Variants in ARSJ observed in about 807,000 individuals in gnomAD.
ARSJ encodes the protein arylsulfatase J.
In ARSJ, 26 loss-of-function variants were observed where a neutral mutation model predicts 35.9. The ratio of observed to expected loss-of-function variants is 0.72; its 90% confidence interval spans 0.53 to 1.00. The LOEUF (loss-of-function observed/expected upper bound fraction) is 1.00, where lower values mean the gene tolerates loss of function less well. ARSJ is among the 50% of genes least tolerant of loss of function. ARSJ has a pLI of 0.00. For missense variants in ARSJ, 667 were observed against 723.6 expected (o/e 0.92, Z 0.90); for synonymous variants, 294 against 267.6 (o/e 1.10, Z -0.96).
At chr4:113,947,697 T>A (rs1270417736) in intron 1 of ARSJ, among the ~76,000 whole-genome samples, 1 of 152,100 alleles carries the variant, frequency 6.6e-6, no homozygotes, top group Admixed American at 6.6e-5. Context: ...ATAATCTACC[T>A]GAGCAACTAA....
chr4:113,932,844 G>T (rs1724539592), intron 1 of ARSJ, among the ~76,000 whole-genome samples: 1 of 151,714 alleles, frequency 6.6e-6, no homozygotes, highest in Non-Finnish European at 1.5e-5. Context: ...TAGGAGAAAA[G>T]AAATAATAAA....
At position 113,903,562 on chromosome 4, in the gene ARSJ, G is replaced by C; in HGVS notation, c.512C>G (p.Thr171Arg). 1 of 1,614,154 alleles carries C rather than the reference G, an allele frequency of 6.2e-7. No homozygotes were observed. Among genetic ancestry groups the C allele is most frequent in the Non-Finnish European group, 8.5e-7 (1 of 1,180,000 alleles). The change falls in exon 2 of 2, where the codon ACG becomes AGG. Residue 171 changes from threonine to arginine, a missense_variant. Transcript: ENST00000315366. ...CAAGTGCCATTTTCCGACCATATGC[G>C]TTGAATATCCAACCTCCTTCAGTTT... is the stretch of plus-strand genomic sequence containing the variant. ...PQKLKEVGYS[T>R]HMVGKWHLGF...
In ARSJ at chr4:113,902,147, G is replaced by C. The variant is rs1179394250; in HGVS notation, c.*127C>G. ...CCAGGTGGCAGAAGTCTCTGGAGTG[G>C]CACAGCATGAAAACAAGCCTGACGC... On this transcript the variant is annotated 3_prime_UTR_variant, in exon 2 of 2. Transcript: ENST00000315366. The C allele has an allele frequency of 1.3e-6, 2 of 1,597,346 alleles. No homozygotes were observed. The highest frequency in any genetic ancestry group is 1.7e-4 in the Middle Eastern group (1 of 6,054).
At chr4:113,930,409 C>T (rs981513962) in intron 1 of ARSJ, among the ~76,000 whole-genome samples, 6 of 152,058 alleles carry the variant, frequency 3.9e-5, no homozygotes, top group African/African-American at 1.4e-4. Context: ...ATTGTGCCCA[C>T]CAGATTAAGG....
At chr4:113,920,363 T>C (rs1723592000) in intron 1 of ARSJ, among the ~76,000 whole-genome samples, 1 of 152,154 alleles carries the variant, frequency 6.6e-6, no homozygotes, top group South Asian at 2.1e-4. Context: ...CCAGATCACT[T>C]TGCAACATCC....
intron 1 of ARSJ, among the ~76,000 whole-genome samples, chr4:113,949,391 T>TG (rs1725714606): frequency 1.3e-5 from 2 of 152,042 alleles, no homozygotes; most frequent in Non-Finnish European, 2.9e-5. Context: ...TCCCTAGCAC[T>TG]TTTTTTCTGG....
intron 1 of ARSJ, chr4:113,944,107 TG>T (rs1292449315): frequency 6.6e-6 from 1 of 152,114 alleles, no homozygotes; most frequent in African/African-American, 2.4e-5. Context: ...GTTTGTGGTT[TG>T]GGCTGTGGCT....
chr4:113,919,140 G>A (rs1468975277), intron 1 of ARSJ, among the ~76,000 whole-genome samples: 2 of 152,084 alleles, frequency 1.3e-5, no homozygotes, highest in East Asian at 3.9e-4. Context: ...AGATTGCACT[G>A]AAGCTGAGAG....
At chr4:113,973,647 G>A (rs1179934152) in intron 1 of ARSJ, among the ~76,000 whole-genome samples, 2 of 152,080 alleles carry the variant, frequency 1.3e-5, no homozygotes, top group African/African-American at 2.4e-5. Flanking sequence ...TACTCTCCTA[G>A]CAGATATTTT....
intron 1 of ARSJ, among the ~76,000 whole-genome samples, chr4:113,905,403 A>G (rs1418540973): frequency 6.6e-6 from 1 of 152,148 alleles, no homozygotes; most frequent in Admixed American, 6.5e-5. Flanking sequence ...TTTTAATGAT[A>G]GCATGATGAA....
At chr4:113,975,343 T>C (rs891019648) in intron 1 of ARSJ, among the ~76,000 whole-genome samples, 1 of 152,180 alleles carries the variant, frequency 6.6e-6, no homozygotes, top group Non-Finnish European at 1.5e-5. Context: ...TCAATTCAGA[T>C]TGTCAACCTT....
intron 1 of ARSJ, among the ~76,000 whole-genome samples, chr4:113,953,173 A>G (rs1725965852): frequency 6.6e-6 from 1 of 152,088 alleles, no homozygotes; most frequent in Admixed American, 6.6e-5. Flanking sequence ...TGTACTCACT[A>G]TGCTGAAAGA....
rs755652179 is a variant in ARSJ at position 113,978,497 on chromosome 4, A to G, written c.338T>C (p.Leu113Pro). The change falls in exon 1 of 2, where the codon CTG (leucine) becomes CCG (proline). Residue 113 changes from leucine (L) to proline (P), a missense_variant. Physicochemically the swap from Leu to Pro is moderately conservative, Grantham distance 98 (BLOSUM62 -3). Coordinates refer to ENST00000315366, the MANE Select transcript of ARSJ (RefSeq NM_024590.4). ...LDKLAAEGVK[L>P]ENYYVQPICT... Reference sequence around the variant, plus strand: ...AATAGGCTGGACATAGTAGTTCTCCAGTTTAACTCCTTCGGCAGCGAGCTT... The same window carrying G: ...AATAGGCTGGACATAGTAGTTCTCCGGTTTAACTCCTTCGGCAGCGAGCTT... The G allele has an allele frequency of 1.2e-6, 2 of 1,614,214 alleles. No individual in the cohort carries two copies. Among genetic ancestry groups the G allele is most frequent in the South Asian group, 1.1e-5 (1 of 91,088 alleles).
chr4:113,976,975 C>G (rs1209336426), intron 1 of ARSJ, among the ~76,000 whole-genome samples: 1 of 152,176 alleles, frequency 6.6e-6, no homozygotes, highest in Non-Finnish European at 1.5e-5. Flanking sequence ...TGAACATATG[C>G]TTTATTGTGA....
chr4:113,901,995 A>G lies in ARSJ; in HGVS notation c.*279T>C. 1.4e-6 allele frequency: 1 copy of G among 739,438 alleles called. No individual in the cohort carries two copies. Among genetic ancestry groups the G allele is most frequent in the Non-Finnish European group, 2.1e-6 (1 of 487,318 alleles). The allele number at this position is 739,438 out of a possible 1,614,324, so 45.8% of individuals were successfully genotyped here. A position where few individuals can be genotyped will look rare whatever the true frequency, so the allele number is the denominator to read the frequency against. ...GTGTTTGGTCAGTTGACTGAAGCAC[A>G]GCAGTGGAACTCAGGACTCACCACG... On this transcript the variant is annotated 3_prime_UTR_variant, in exon 2 of 2. Coordinates refer to ENST00000315366, the MANE Select transcript of ARSJ (RefSeq NM_024590.4).
intron 1 of ARSJ, among the ~76,000 whole-genome samples, chr4:113,950,611 A>G (rs1354020980): frequency 6.6e-6 from 1 of 152,082 alleles, no homozygotes; most frequent in Non-Finnish European, 1.5e-5. Context: ...GGAAGAGGGG[A>G]GAGATAGTAA....
chr4:113,925,543 C>T (rs1562346863), intron 1 of ARSJ, among the ~76,000 whole-genome samples: 1 of 152,122 alleles, frequency 6.6e-6, no homozygotes, highest in Non-Finnish European at 1.5e-5. Context: ...AAGGCCACTC[C>T]ACCATTCTAT....
chr4:113,936,657 C>G (rs989741399), intron 1 of ARSJ, among the ~76,000 whole-genome samples: 3 of 151,772 alleles, frequency 2.0e-5, no homozygotes, highest in Admixed American at 2.0e-4. Flanking sequence ...AGCATGCATC[C>G]CTGTCAAATC....
chr4:113,934,375 T>G (rs1335806567), intron 1 of ARSJ, among the ~76,000 whole-genome samples: 1 of 151,832 alleles, frequency 6.6e-6, no homozygotes, highest in African/African-American at 2.4e-5. Flanking sequence ...GTGGTACATA[T>G]GTACACACAA....
Sources: allele counts gnomAD v4.1 joint callset (sites outside exome capture counted in the v4.1 genomes callset), GRCh38; gene constraint gnomAD v4.1.1; transcripts MANE v1.5; gene names NCBI Gene and HGNC (gene_info 2026-07-23, HGNC 2026-07-21).